Variants in GFAP observed in about 807,000 individuals in gnomAD.
GFAP encodes the protein intermediate filament protein.
Under a neutral mutation model 49.3 loss-of-function variants are expected in GFAP, and 38 were observed. That is an observed-to-expected ratio of 0.77 (90% CI 0.60 to 1.01). GFAP has a LOEUF of 1.01. Ranked by LOEUF, GFAP falls within the 50% of genes least tolerant of loss-of-function variation. GFAP has a pLI of 0.00. For synonymous variants in GFAP, 222 were observed against 236.4 expected, an observed-to-expected ratio of 0.94 and a Z score of 0.56; for missense variants, 463 against 579.1, an observed-to-expected ratio of 0.80 and a Z score of 2.06.
At chr17:44,911,616 T>C in intron 5 of GFAP, 56 bp downstream of exon 5, 1 of 1,601,024 alleles carries the variant, frequency 6.2e-7, no homozygotes. Context: ...CCCTGGCATC[T>C]CCTGGGGTGG....
In GFAP at chr17:44,905,268, T is replaced by C. The variant is rs904643048; in HGVS notation, c.*2079A>G. 1.5e-5 allele frequency: 9 copies of C among 591,768 alleles called. No homozygotes were observed. Among genetic ancestry groups the C allele is most frequent in the Middle Eastern group, 4.4e-4 (1 of 2,264 alleles). 36.7% of individuals were successfully genotyped at this position (591,768 alleles called of 1,614,324 possible). A position where few individuals can be genotyped will look rare whatever the true frequency, so the allele number is the denominator to read the frequency against. On this transcript the variant is annotated 3_prime_UTR_variant, in exon 9 of 9. Transcript: ENST00000588735. ...GGAGGGGCCTGAGGCTGGTGGGAGA[T>C]TGGGGACTGAGCTCAGGATGGAAGT...
intron 1 of GFAP, chr17:44,914,355 A>C: frequency 1.9e-6 from 1 of 528,560 alleles, no homozygotes; most frequent in Non-Finnish European, 3.4e-6. Context: ...ACAAGCATAC[A>C]CTCACTGTTG....
rs2051644823 is a variant in GFAP, at chr17:44,905,802, C to G, written c.*1545G>C. The G allele has an allele frequency of 6.6e-6, 1 of 152,626 alleles. No homozygotes were observed. The highest frequency in any genetic ancestry group is 1.5e-5 in the Non-Finnish European group (1 of 68,476). The allele number at this position is 152,626 out of a possible 1,614,324, so 9.5% of individuals were successfully genotyped here. On this transcript the variant is annotated 3_prime_UTR_variant, in exon 9 of 9. Transcript: ENST00000588735. ...CGGCCTTAGAGGGGAGAGGAGAACC[C>G]TGAAGTGGGCCCTCCCAGTCCCATC...
At chr17:44,910,147 C>T in intron 7 of GFAP, 1 of 1,613,958 alleles carries the variant, frequency 6.2e-7, no homozygotes, top group Non-Finnish European at 8.5e-7. Context: ...TAACCGCGAG[C>T]CGGCGGCGTT....
chr17:44,904,051 C>T lies in GFAP; in HGVS notation c.*3296G>A, dbSNP rs1042861543. On this transcript the variant is annotated 3_prime_UTR_variant, in exon 9 of 9. Transcript: ENST00000588735. ...TCTACCAAAAGCACCTAGGTAGCAG[C>T]CACACCAAAGTGCTGACGGACTTTG... 6 of 1,550,530 alleles carry T rather than the reference C, an allele frequency of 3.9e-6. No homozygotes were observed. The highest frequency in any genetic ancestry group is 3.9e-5 in the Admixed American group (2 of 50,988).
Position 44,905,041 on chromosome 17 carries a change from A to G in GFAP, c.*2306T>C. On this transcript the variant is annotated 3_prime_UTR_variant, in exon 9 of 9. Coordinates refer to ENST00000588735, the MANE Select transcript of GFAP (RefSeq NM_002055.5). ...ACTTCTGTCGTTGCTGCTGCTACTTATTTCACTGTTGTCCCAGCTTCTCCC... is the reference window on the plus strand; with the variant it reads ...ACTTCTGTCGTTGCTGCTGCTACTTGTTTCACTGTTGTCCCAGCTTCTCCC... 1 of 1,547,628 alleles carries G rather than the reference A, an allele frequency of 6.5e-7. No individual in the cohort carries two copies. Among genetic ancestry groups the G allele is most frequent in the East Asian group, 2.4e-5 (1 of 40,842 alleles).
intron 1 of GFAP, 59 bp from the exon 2 acceptor site, chr17:44,914,147 C>T (rs2051850200): frequency 4.1e-6 from 5 of 1,223,736 alleles, no homozygotes; most frequent in Non-Finnish European, 5.9e-6. Context: ...TGAATACCTG[C>T]CTCAGTCTCC....
Position 44,904,186 on chromosome 17 carries a change from C to T in GFAP, c.*3161G>A. The stretch of plus-strand genomic sequence containing the variant: ...TGGTTTTCAGGGCTCAGTCTGAGGA[C>T]TCAGGCCTGTACTTCTGCGGCACCC... On this transcript the variant is annotated 3_prime_UTR_variant, in exon 9 of 9. Transcript: ENST00000588735. 2 of 1,550,542 alleles carry T rather than the reference C, an allele frequency of 1.3e-6. No homozygotes were observed. The highest frequency in any genetic ancestry group is 2.0e-5 in the Admixed American group (1 of 51,002).
intron 7 of GFAP, chr17:44,910,077 G>T: frequency 6.2e-7 from 1 of 1,612,514 alleles, no homozygotes; most frequent in Non-Finnish European, 8.5e-7. Flanking sequence ...GGAGGATGGG[G>T]TGGGTGAGGC....
Position 44,910,792 on chromosome 17 carries a change from T to C in GFAP, c.1128-134A>G, listed in dbSNP as rs566982504. ...AAAGTCTAACTCCATCTCCTAGCTT[T>C]TTCCCCAGCAGCCAACGTGCTATCT... On this transcript the variant is annotated intron_variant, in intron 6 of 8. Transcript: ENST00000588735. 76 of 1,335,060 alleles carry C rather than the reference T, an allele frequency of 5.7e-5. No homozygotes were observed. In the African/African-American group the frequency reaches 1.0e-3, roughly 18 times the overall value. The allele number at this position is 1,335,060 out of a possible 1,614,324, so 82.7% of individuals were successfully genotyped here.
At position 44,903,921 on chromosome 17, in the gene GFAP, C is replaced by A; in HGVS notation, c.*3426G>T. 6.4e-7 allele frequency: 1 copy of A among 1,550,630 alleles called. No individual in the cohort carries two copies. Among genetic ancestry groups the A allele is most frequent in the East Asian group, 2.4e-5 (1 of 40,920 alleles). On this transcript the variant is annotated 3_prime_UTR_variant, in exon 9 of 9. Transcript: ENST00000588735. ...AAGGAAAACATTTTTCAGAGGACCC[C>A]CTGCCCTGCTTTCCTGATGTTTGAA...
Position 44,904,329 on chromosome 17 carries a change from A to G in GFAP, c.*3018T>C, listed in dbSNP as rs1319416668. ...GCAGATGAATACTATGGGCACCTCC[A>G]TGTCTTCACCACCTTCTGGGAATGG... On this transcript the variant is annotated 3_prime_UTR_variant, in exon 9 of 9. Coordinates refer to ENST00000588735, the MANE Select transcript of GFAP (RefSeq NM_002055.5). The G allele has an allele frequency of 3.2e-6, 5 of 1,543,286 alleles. No homozygotes were observed. The East Asian group carries it at 1.2e-4, about 38-fold the overall frequency.
At chr17:44,910,926 G>C (rs1163427549) in intron 6 of GFAP, 1 of 608,098 alleles carries the variant, frequency 1.6e-6, no homozygotes, top group Non-Finnish European at 2.9e-6. Flanking sequence ...GTTCCAAGGA[G>C]GCAGAAGAGA....
In GFAP at chr17:44,904,793, G is replaced by T. The variant is rs976896886; in HGVS notation, c.*2554C>A. 1.3e-6 allele frequency: 2 copies of T among 1,550,498 alleles called. No individual in the cohort carries two copies. The highest frequency in any genetic ancestry group is 2.7e-5 in the African/African-American group (2 of 73,036). Reference sequence around the variant, plus strand: ...GAAGGGTGTCAACAGGTCCATGAGGGTGTTCATTGACCACGGCAACCAGCT... The same window carrying T: ...GAAGGGTGTCAACAGGTCCATGAGGTTGTTCATTGACCACGGCAACCAGCT... On this transcript the variant is annotated 3_prime_UTR_variant, in exon 9 of 9. Coordinates refer to ENST00000588735, the MANE Select transcript of GFAP (RefSeq NM_002055.5).
chr17:44,905,097 G>A lies in GFAP; in HGVS notation c.*2250C>T, dbSNP rs1166005820. ...GAGCTCTCTTCAGCTCTGAAGACCA[G>A]TTGTCCTTCAATGTGTTTGTTAAAT... On this transcript the variant is annotated 3_prime_UTR_variant, in exon 9 of 9. Transcript: ENST00000588735. 1.7e-5 allele frequency: 25 copies of A among 1,484,896 alleles called. No individual in the cohort carries two copies. In the South Asian group the frequency reaches 3.3e-4, roughly 19 times the overall value. The allele number at this position is 1,484,896 out of a possible 1,614,324, so 92.0% of individuals were successfully genotyped here. A position where few individuals can be genotyped will look rare whatever the true frequency, so the allele number is the denominator to read the frequency against.
Position 44,913,428 on chromosome 17 carries a change from C to T in GFAP, c.621G>A (p.Glu207=). 1 of 1,614,012 alleles carries T rather than the reference C, an allele frequency of 6.2e-7. No individual in the cohort carries two copies. The highest frequency in any genetic ancestry group is 8.5e-7 in the Non-Finnish European group (1 of 1,179,976). ...IRFLRKIHEE[E]VRELQEQLAR... Reference sequence around the variant, plus strand: ...CCAGCTGCTCCTGGAGTTCCCGAACCTCCTGACCAGGGTGAGAGAAGCGGT... The same window carrying T: ...CCAGCTGCTCCTGGAGTTCCCGAACTTCCTGACCAGGGTGAGAGAAGCGGT... Residue 207 remains glutamate, a splice_region_variant and synonymous_variant, in exon 4 of 9, where the codon GAG becomes GAA. Coordinates refer to ENST00000588735, the MANE Select transcript of GFAP (RefSeq NM_002055.5).
intron 5 of GFAP, 44 bp from the exon 6 acceptor site, chr17:44,911,500 T>A (rs1436554040): frequency 6.4e-7 from 1 of 1,564,910 alleles, no homozygotes; most frequent in African/African-American, 1.4e-5. Context: ...CCGACCCGAC[T>A]TGGGGAGGTT....
chr17:44,904,410 A>G lies in GFAP; in HGVS notation c.*2937T>C, dbSNP rs1035427410. On this transcript the variant is annotated 3_prime_UTR_variant, in exon 9 of 9. Coordinates refer to ENST00000588735, the MANE Select transcript of GFAP (RefSeq NM_002055.5). ...GAGCAGTGGCGCATCGGCCTCTGCT[A>G]CCTGCAGAGCCCAGACCTCTCCCCA... 2 of 1,542,392 alleles carry G rather than the reference A, an allele frequency of 1.3e-6. No homozygotes were observed. The highest frequency in any genetic ancestry group is 2.7e-5 in the African/African-American group (2 of 72,848).
At position 44,914,026 on chromosome 17, in the gene GFAP, A is replaced by G. The variant is rs1197101519; in HGVS notation, c.522+2T>C. ...CCTGCCCCTCCCCTCCACCTCCCTG[A>G]CCTGTCTATAGGCAGCCAGGTTGTT... On this transcript the variant is annotated splice_donor_variant, in intron 2 of 8. Transcript: ENST00000588735. LOFTEE classifies it high-confidence loss of function. The G allele has an allele frequency of 6.5e-7, 1 of 1,550,244 alleles. No individual in the cohort carries two copies. The highest frequency in any genetic ancestry group is 8.7e-7 in the Non-Finnish European group (1 of 1,143,460).
Sources: gnomAD v4.1 joint callset for allele counts on GRCh38, gnomAD v4.1.1 for gene constraint, MANE v1.5 for transcripts, NCBI Gene and HGNC (gene_info 2026-07-23, HGNC 2026-07-21) for gene names.